Variants in IFT80 observed in about 807,000 individuals in gnomAD.
IFT80 encodes the protein intraflagellar transport 80.
A neutral mutation model predicts 107.9 loss-of-function variants in IFT80; 79 were observed. The observed-to-expected ratio is 0.73, with a 90% CI of 0.61 to 0.88. IFT80 has a LOEUF of 0.88. Ranked by LOEUF, IFT80 falls within the 40% of genes least tolerant of loss-of-function variation. IFT80 has a pLI of 0.00. For synonymous variants in IFT80, 299 were observed against 300.9 expected (o/e 0.99, Z 0.07); for missense variants, 797 against 914.2 (o/e 0.87, Z 1.65).
chr3:160,332,392 G>A (rs1014987263), intron 8 of IFT80, among the ~76,000 whole-genome samples: 1 of 152,184 alleles, frequency 6.6e-6, no homozygotes, highest in African/African-American at 2.4e-5. Context: ...TTTTATTGGT[G>A]TGCAGGGTGT....
At chr3:160,322,517 A>G (rs1285532060) in intron 8 of IFT80, among the ~76,000 whole-genome samples, 3 of 151,976 alleles carry the variant, frequency 2.0e-5, no homozygotes, top group East Asian at 1.9e-4. Context: ...TGTCTTTATA[A>G]CAGCATGATT....
intron 5 of IFT80, among the ~76,000 whole-genome samples, chr3:160,373,193 C>T (rs1711678844): frequency 6.6e-6 from 1 of 152,108 alleles, no homozygotes; most frequent in Non-Finnish European, 1.5e-5. Flanking sequence ...CAGGAGTGAG[C>T]CACGATGCCT....
In IFT80 at chr3:160,381,515, T is replaced by C. The variant is rs1313535681; in HGVS notation, c.247A>G (p.Thr83Ala). ...KQTQAESFVL[T>A]SSDGKFHLIS... ...ATTTAAAACTTACCATCAGAACTTG[T>C]GAGGACAAAGCTTTCTGCCTGGGTT... Residue 83 changes from threonine (T) to alanine (A), a missense_variant, in exon 3 of 20, where the codon ACA becomes GCA. Physicochemically the swap from Thr to Ala is moderately conservative, Grantham distance 58. Transcript: ENST00000326448. 6.2e-7 allele frequency: 1 copy of C among 1,612,826 alleles called. No individual in the cohort carries two copies. The highest frequency in any genetic ancestry group is 8.5e-7 in the Non-Finnish European group (1 of 1,179,056).
chr3:160,286,019 T>C, intron 12 of IFT80, 151 bp from the exon 13 acceptor site: 1 of 574,338 alleles, frequency 1.7e-6, no homozygotes, highest in Non-Finnish European at 3.1e-6. Flanking sequence ...ATTAATGTGG[T>C]CACATTTCTT....
At chr3:160,263,448 T>C (rs1713025556) in intron 19 of IFT80, among the ~76,000 whole-genome samples, 2 of 152,168 alleles carry the variant, frequency 1.3e-5, no homozygotes, top group South Asian at 2.1e-4. Flanking sequence ...TCTATTCTCT[T>C]ATCCTGGTAT....
At chr3:160,336,226 T>C (rs1351605459) in intron 8 of IFT80, among the ~76,000 whole-genome samples, 2 of 152,202 alleles carry the variant, frequency 1.3e-5, no homozygotes, top group East Asian at 3.8e-4. Context: ...CCAAACATTT[T>C]CCAAAGTGGA....
chr3:160,372,480 A>G (rs1711600113), intron 5 of IFT80, among the ~76,000 whole-genome samples: 1 of 152,124 alleles, frequency 6.6e-6, no homozygotes, highest in Non-Finnish European at 1.5e-5. Context: ...TGCTCTACTG[A>G]TTTTTCCGGA....
intron 9 of IFT80, among the ~76,000 whole-genome samples, chr3:160,310,969 A>G (rs757454901): frequency 2.6e-5 from 4 of 151,976 alleles, no homozygotes; most frequent in Non-Finnish European, 4.4e-5. Flanking sequence ...AAAACAAACA[A>G]AAAAAATTAG....
At chr3:160,361,204 C>CA (rs1384237977) in intron 6 of IFT80, among the ~76,000 whole-genome samples, 1 of 151,658 alleles carries the variant, frequency 6.6e-6, no homozygotes, top group Non-Finnish European at 1.5e-5. Flanking sequence ...AAATGGAAAG[C>CA]AAAAAAAGCA....
chr3:160,362,062 T>G (rs868397145), intron 6 of IFT80, among the ~76,000 whole-genome samples: 8 of 151,728 alleles, frequency 5.3e-5, no homozygotes, highest in Middle Eastern at 3.2e-3. Flanking sequence ...CACAAAAAAC[T>G]CTTCAAAAAA....
intron 8 of IFT80, among the ~76,000 whole-genome samples, chr3:160,333,292 T>C (rs967533635): frequency 2.0e-5 from 3 of 152,204 alleles, no homozygotes; most frequent in Non-Finnish European, 4.4e-5. Flanking sequence ...TACTGCATAC[T>C]ACTATCAATT....
At chr3:160,292,121 G>A (rs1166907207) in intron 12 of IFT80, among the ~76,000 whole-genome samples, 1 of 152,162 alleles carries the variant, frequency 6.6e-6, no homozygotes, top group Non-Finnish European at 1.5e-5. Context: ...GCTACAAAAG[G>A]GTCCTGACAT....
chr3:160,264,276 C>CT (rs1210964197), intron 19 of IFT80, among the ~76,000 whole-genome samples: 82 of 142,190 alleles, frequency 5.8e-4, no homozygotes, highest in African/African-American at 1.2e-3. Flanking sequence ...TGCCCAGTTA[C>CT]TTTTTTTTTT....
At chr3:160,261,124 T>C (rs1303681769) in intron 19 of IFT80, among the ~76,000 whole-genome samples, 1 of 152,158 alleles carries the variant, frequency 6.6e-6, no homozygotes, top group Non-Finnish European at 1.5e-5. Context: ...TCCTTGGCTC[T>C]CTATGCTGTC....
At chr3:160,298,630 T>A (rs917947795) in intron 12 of IFT80, among the ~76,000 whole-genome samples, 1 of 152,204 alleles carries the variant, frequency 6.6e-6, no homozygotes, top group African/African-American at 2.4e-5. Flanking sequence ...TGGGAACACA[T>A]ATACTGCCAT....
intron 13 of IFT80, among the ~76,000 whole-genome samples, chr3:160,284,954 T>C (rs1354118636): frequency 6.6e-6 from 1 of 152,148 alleles, no homozygotes; most frequent in Non-Finnish European, 1.5e-5. Context: ...GGCACTACAG[T>C]GATGAATAAT....
chr3:160,288,327 C>T (rs549906529), intron 12 of IFT80, among the ~76,000 whole-genome samples: 30 of 152,046 alleles, frequency 2.0e-4, no homozygotes, highest in African/African-American at 6.3e-4. Flanking sequence ...AGCGAGACTC[C>T]GTTTCAAAAA....
At chr3:160,361,271 G>C (rs1044786897) in intron 6 of IFT80, among the ~76,000 whole-genome samples, 1 of 152,024 alleles carries the variant, frequency 6.6e-6, no homozygotes, top group Non-Finnish European at 1.5e-5. Flanking sequence ...GATCAAAAGG[G>C]ACAAAGAAGG....
chr3:160,282,733 T>G (rs1714783619), intron 13 of IFT80, 120 bp from the exon 14 acceptor site: 1 of 674,226 alleles, frequency 1.5e-6, no homozygotes, highest in South Asian at 1.9e-5. Flanking sequence ...CCATTTATAA[T>G]GATAAAATGT....
Sources: gnomAD v4.1 joint callset for allele counts (sites outside exome capture counted in the v4.1 genomes callset) on GRCh38, gnomAD v4.1.1 for gene constraint, MANE v1.5 for transcripts, NCBI Gene and HGNC (gene_info 2026-07-23, HGNC 2026-07-21) for gene names.